The following PCOLCE2 variants were observed in gnomAD, a reference collection of about 807,000 sequenced individuals.
The protein encoded by PCOLCE2 is procollagen C-endopeptidase enhancer 2.
Under a neutral mutation model 47.0 loss-of-function variants are expected in PCOLCE2, and 42 were observed. The observed-to-expected ratio is 0.89, with a 90% CI of 0.70 to 1.16. The LOEUF is 1.16. Ranked by LOEUF, PCOLCE2 falls within the 50% of genes most tolerant of loss-of-function variation. PCOLCE2 has a pLI of 0.00. For missense variants in PCOLCE2, 500 were observed against 526.1 expected, an observed-to-expected ratio of 0.95 and a Z score of 0.49; for synonymous variants, 169 against 191.7, an observed-to-expected ratio of 0.88 and a Z score of 0.98.
At chr3:142,843,179 A>AT in intron 3 of PCOLCE2, 131 bp from the exon 4 acceptor site, 1 of 851,904 alleles carries the variant, frequency 1.2e-6, no homozygotes, top group Middle Eastern at 2.2e-4. Flanking sequence ...AAGCGCTTAC[A>AT]TTTTCTCTTA....
chr3:142,868,577 T>C (rs1175090895), intron 2 of PCOLCE2, among the ~76,000 whole-genome samples: 2 of 152,116 alleles, frequency 1.3e-5, no homozygotes, highest in African/African-American at 4.8e-5. Flanking sequence ...CCCTAACTCA[T>C]TCAGATTACC....
chr3:142,878,892 C>T (rs1342510901), intron 2 of PCOLCE2, among the ~76,000 whole-genome samples: 1 of 151,404 alleles, frequency 6.6e-6, no homozygotes, highest in Non-Finnish European at 1.5e-5. Flanking sequence ...GAATTAGGAG[C>T]CCTTTAAATG....
chr3:142,826,869 G>A (rs1937085657), intron 6 of PCOLCE2, among the ~76,000 whole-genome samples: 1 of 151,994 alleles, frequency 6.6e-6, no homozygotes, highest in Non-Finnish European at 1.5e-5. Flanking sequence ...CATCCTCCCA[G>A]TTCTCCTCCC....
chr3:142,868,759 C>G (rs964908799), intron 2 of PCOLCE2, among the ~76,000 whole-genome samples: 3 of 152,206 alleles, frequency 2.0e-5, no homozygotes, highest in Non-Finnish European at 4.4e-5. Flanking sequence ...GGGCCACGTG[C>G]GTCAGGGATA....
intron 2 of PCOLCE2, among the ~76,000 whole-genome samples, chr3:142,882,096 C>T (rs1933633068): frequency 6.6e-6 from 1 of 151,986 alleles, no homozygotes; most frequent in Admixed American, 6.6e-5. Flanking sequence ...GTGGCACAAT[C>T]ATAGCTCACT....
At chr3:142,847,189 A>G (rs1937336635) in intron 3 of PCOLCE2, among the ~76,000 whole-genome samples, 1 of 152,192 alleles carries the variant, frequency 6.6e-6, no homozygotes, top group Non-Finnish European at 1.5e-5. Flanking sequence ...TTCATTTTTC[A>G]GCTGATGCTT....
intron 2 of PCOLCE2, among the ~76,000 whole-genome samples, chr3:142,862,191 G>A (rs1298481196): frequency 1.3e-5 from 2 of 152,144 alleles, no homozygotes; most frequent in Non-Finnish European, 2.9e-5. Flanking sequence ...AACCTGTAGG[G>A]TTAACCGCTC....
chr3:142,888,725 C>T, intron 1 of PCOLCE2, 89 bp downstream of exon 1: 1 of 795,198 alleles, frequency 1.3e-6, no homozygotes, highest in Non-Finnish European at 1.8e-6. Flanking sequence ...CCAGGCGCGC[C>T]GAAGCGGGTT....
chr3:142,846,365 T>C (rs1015019157), intron 3 of PCOLCE2, among the ~76,000 whole-genome samples: 7 of 152,032 alleles, frequency 4.6e-5, no homozygotes, highest in Non-Finnish European at 1.5e-5. Flanking sequence ...GCCTGGCTAA[T>C]TTTTTTGTAT....
Position 142,818,475 on chromosome 3 carries a change from G to A in PCOLCE2, c.1118-10C>T, listed in dbSNP as rs1188617419. The A allele has an allele frequency of 1.2e-6, 2 of 1,602,412 alleles. No homozygotes were observed. The highest frequency in any genetic ancestry group is 2.7e-5 in the African/African-American group (2 of 74,696). ...ATAATGTAATTTAGACCTAAAGAAA[G>A]AGAATACAGAAATTAATCTTTTTCT... On this transcript the variant is annotated splice_polypyrimidine_tract_variant and intron_variant, in intron 8 of 8. Coordinates refer to ENST00000295992, the MANE Select transcript of PCOLCE2 (RefSeq NM_013363.4).
chr3:142,830,296 C>T (rs1166142520), intron 5 of PCOLCE2, among the ~76,000 whole-genome samples: 8 of 152,286 alleles, frequency 5.3e-5, no homozygotes, highest in Admixed American at 1.3e-4. Flanking sequence ...CTAAGACTTG[C>T]GTTCAAGCTG....
intron 4 of PCOLCE2, among the ~76,000 whole-genome samples, chr3:142,841,101 A>G (rs1937260712): frequency 6.6e-6 from 1 of 151,904 alleles, no homozygotes; most frequent in South Asian, 2.1e-4. Context: ...GAAATTAGTC[A>G]CAAAAACTTT....
chr3:142,885,885 C>T (rs1018558671), intron 2 of PCOLCE2, among the ~76,000 whole-genome samples: 2 of 152,204 alleles, frequency 1.3e-5, no homozygotes, highest in South Asian at 2.1e-4. Flanking sequence ...TTCCCACTGT[C>T]CCCTTGCTCA....
At chr3:142,858,964 T>C (rs1933124870) in intron 2 of PCOLCE2, among the ~76,000 whole-genome samples, 1 of 152,100 alleles carries the variant, frequency 6.6e-6, no homozygotes, top group African/African-American at 2.4e-5. Flanking sequence ...CTAGTACATA[T>C]TGTCTGGCAG....
chr3:142,872,299 G>C (rs894271728), intron 2 of PCOLCE2, among the ~76,000 whole-genome samples: 1 of 152,028 alleles, frequency 6.6e-6, no homozygotes, highest in Non-Finnish European at 1.5e-5. Context: ...AACCCCCCTT[G>C]AATCACTGTA....
At chr3:142,866,446 G>A (rs1327616823) in intron 2 of PCOLCE2, among the ~76,000 whole-genome samples, 1 of 152,112 alleles carries the variant, frequency 6.6e-6, no homozygotes, top group Non-Finnish European at 1.5e-5. Flanking sequence ...AAAGCAGATG[G>A]TGGGACTTCT....
rs901946903 is a variant in PCOLCE2, at chr3:142,883,132, G to A, written c.192+4537C>T. On this transcript the variant is annotated intron_variant, in intron 2 of 8. Coordinates refer to ENST00000295992, the MANE Select transcript of PCOLCE2 (RefSeq NM_013363.4). Reference sequence around the variant, plus strand: ...GGAGAATGGCATGAACCTGGGAGGCGGAGCTTGCAGTGAGCGAGATTGCGC... The same window carrying A: ...GGAGAATGGCATGAACCTGGGAGGCAGAGCTTGCAGTGAGCGAGATTGCGC... Among the ~76,000 whole-genome samples the A allele has an allele frequency of 4.1e-5, 6 of 146,624 alleles. No individual in the cohort carries two copies. In the East Asian group the frequency reaches 1.0e-3, roughly 25 times the overall value.
intron 2 of PCOLCE2, among the ~76,000 whole-genome samples, chr3:142,884,835 C>A (rs1030784110): frequency 3.3e-5 from 5 of 152,162 alleles, no homozygotes; most frequent in African/African-American, 1.2e-4. Flanking sequence ...GCACTGTCCA[C>A]AAGAAAAATT....
chr3:142,881,155 G>C (rs1933603726), intron 2 of PCOLCE2, among the ~76,000 whole-genome samples: 1 of 152,172 alleles, frequency 6.6e-6, no homozygotes, highest in Non-Finnish European at 1.5e-5. Flanking sequence ...TACACAGGAA[G>C]TGCTCAAAAA....
Sources: allele counts gnomAD v4.1 joint callset (sites outside exome capture counted in the v4.1 genomes callset), GRCh38; gene constraint gnomAD v4.1.1; transcripts MANE v1.5; gene names NCBI Gene and HGNC (gene_info 2026-07-23, HGNC 2026-07-21).